Variants in USP26 observed in about 807,000 individuals in gnomAD.
The protein encoded by USP26 is ubiquitin specific peptidase 26.
For missense variants in USP26, 649 were observed against 642.3 expected (o/e 1.01, Z -0.11); for synonymous variants, 236 against 240.6 (o/e 0.98, Z 0.18).
chrX:133,060,234 A>T (rs1388490028), intron 5 of USP26, among the ~76,000 whole-genome samples: 2 of 112,116 alleles, frequency 1.8e-5, no homozygotes, highest in African/African-American at 6.5e-5. Context: ...ATAATTCCTA[A>T]TACCCTATGG....
Position 133,026,902 on chromosome X carries a change from A to G in USP26, c.1319T>C (p.Leu440Ser). 1 of 1,211,563 alleles carries G rather than the reference A, an allele frequency of 8.3e-7. No homozygotes were observed. Among genetic ancestry groups the G allele is most frequent in the Non-Finnish European group, 1.1e-6 (1 of 895,446 alleles). Residue 440 changes from leucine to serine, a missense_variant, in exon 6 of 6, where the codon TTA (leucine) becomes TCA (serine). Physicochemically the swap from Leu to Ser is moderately radical, Grantham distance 145 (BLOSUM62 -2). Coordinates refer to ENST00000511190, the MANE Select transcript of USP26 (RefSeq NM_031907.3). The part of the protein sequence containing the change: ...FSCPVITNFE[L>S]ELLHSIACKA... ...ACAAGCAATGGAGTGCAACAACTCTAACTCAAAATTAGTAATGACAGGGCA... is the reference window on the plus strand; with the variant it reads ...ACAAGCAATGGAGTGCAACAACTCTGACTCAAAATTAGTAATGACAGGGCA...
At chrX:133,044,961 G>T (rs2067433431) in intron 5 of USP26, among the ~76,000 whole-genome samples, 1 of 104,483 alleles carries the variant, frequency 9.6e-6, no homozygotes, top group African/African-American at 3.3e-5. Flanking sequence ...TCTGTATCTA[G>T]CTAATCTGGT....
At chrX:133,072,078 A>G (rs1404866968) in intron 5 of USP26, among the ~76,000 whole-genome samples, 1 of 111,949 alleles carries the variant, frequency 8.9e-6, no homozygotes, top group African/African-American at 3.2e-5. Flanking sequence ...TGGGCACCCA[A>G]TGTAATCCTT....
At chrX:133,060,879 C>G (rs1339512021) in intron 5 of USP26, among the ~76,000 whole-genome samples, 4 of 111,547 alleles carry the variant, frequency 3.6e-5, no homozygotes, top group Non-Finnish European at 7.5e-5. Flanking sequence ...CAAAAAGTTT[C>G]AAAAAGCAAA....
In USP26 at chrX:133,023,874, T is replaced by C. The variant is rs2067334572; in HGVS notation, c.*1605A>G. 1.8e-5 allele frequency among the ~76,000 whole-genome samples: 2 copies of C among 111,852 alleles called. No individual in the cohort carries two copies. Among genetic ancestry groups the C allele is most frequent in the Admixed American group, 9.5e-5 (1 of 10,523 alleles). ...AGCTCTTGGATTAATACAACTATACTGAAGCCATACCCCATATACAAGGGG... is the reference window on the plus strand; with the variant it reads ...AGCTCTTGGATTAATACAACTATACCGAAGCCATACCCCATATACAAGGGG... On this transcript the variant is annotated 3_prime_UTR_variant, in exon 6 of 6. Transcript: ENST00000511190.
intron 5 of USP26, among the ~76,000 whole-genome samples, chrX:133,036,777 TA>T (rs2067397307): frequency 8.9e-6 from 1 of 112,561 alleles, no homozygotes; most frequent in African/African-American, 3.2e-5. Flanking sequence ...ATGGTTGAAC[TA>T]GTTCACACTC....
chrX:133,056,678 C>CATT (rs1291999143), intron 5 of USP26, among the ~76,000 whole-genome samples: 1 of 112,209 alleles, frequency 8.9e-6, no homozygotes, highest in East Asian at 2.8e-4. Flanking sequence ...AGGCACTGTT[C>CATT]ATTATCAGCT....
In USP26 at chrX:133,025,984, C is replaced by A. The variant is rs1022434828; in HGVS notation, c.2237G>T (p.Arg746Ile). 1.7e-6 allele frequency: 2 copies of A among 1,209,136 alleles called. No homozygotes were observed. The highest frequency in any genetic ancestry group is 1.8e-5 in the African/African-American group (1 of 56,985). ...SEQTQQCDGMRICEQAPQQAL... is the reference protein window; with the variant it reads ...SEQTQQCDGMIICEQAPQQAL... ...CTGCTGAGGGGCTTGTTCACAGATT[C>A]TCATACCGTCACACTGCTGAGTCTG... The change falls in exon 6 of 6, where the codon AGA (arginine) becomes ATA (isoleucine). Residue 746 changes from arginine (R) to isoleucine (I), a missense_variant. Arg to Ile is a moderately conservative substitution (Grantham distance 97). Transcript: ENST00000511190.
rs750064057 is a variant in USP26, at chrX:133,027,218, G to A, written c.1003C>T (p.Leu335Phe). 1.7e-6 allele frequency: 2 copies of A among 1,209,859 alleles called. No individual in the cohort carries two copies. Among genetic ancestry groups the A allele is most frequent in the South Asian group, 1.8e-5 (1 of 56,939 alleles). ...GCCAAGCACATGGTAAGAGCATTAA[G>A]GGGAATTTTACCCCATGGGAAACTC... is the stretch of plus-strand genomic sequence containing the variant. ...NQSFPWGKIP[L>F]NALTMCLARL... The change falls in exon 6 of 6, where the codon CTT (leucine) becomes TTT (phenylalanine). Residue 335 changes from leucine (L) to phenylalanine (F), a missense_variant. By Grantham distance (22) the Leu-to-Phe change is conservative. Transcript: ENST00000511190.
chrX:133,029,844 C>T (rs1422865016), intron 5 of USP26, among the ~76,000 whole-genome samples: 2 of 111,548 alleles, frequency 1.8e-5, no homozygotes, highest in African/African-American at 3.3e-5. Flanking sequence ...ACATTTCATT[C>T]CAGATGAAAG....
chrX:133,075,271 G>A (rs2067544148), intron 5 of USP26, among the ~76,000 whole-genome samples: 1 of 112,073 alleles, frequency 8.9e-6, no homozygotes, highest in African/African-American at 3.2e-5. Flanking sequence ...CAGATAGAGT[G>A]AATTTAAGTT....
chrX:133,033,070 G>A (rs1350283898), intron 5 of USP26, among the ~76,000 whole-genome samples: 1 of 111,554 alleles, frequency 9.0e-6, no homozygotes, highest in Non-Finnish European at 1.9e-5. Context: ...ATGATCAGAT[G>A]CAGGGAGTCG....
At chrX:133,078,428 T>C (rs1198605963) in intron 5 of USP26, among the ~76,000 whole-genome samples, 1 of 112,003 alleles carries the variant, frequency 8.9e-6, no homozygotes, top group African/African-American at 3.2e-5. Context: ...ATTAGTCACT[T>C]TCTGAAGGAG....
At chrX:133,037,131 T>G (rs1297170869) in intron 5 of USP26, among the ~76,000 whole-genome samples, 1 of 112,378 alleles carries the variant, frequency 8.9e-6, no homozygotes, top group Non-Finnish European at 1.9e-5. Context: ...GGTTGCCTGT[T>G]CACTCTGAGG....
chrX:133,063,837 CCAGCTAGCAG>C (rs1217104148), intron 5 of USP26, among the ~76,000 whole-genome samples: 1 of 111,838 alleles, frequency 8.9e-6, no homozygotes, highest in African/African-American at 3.3e-5. Context: ...TGCAAAATAA[CCAGCTAGCAG>C]CATGATGACA....
At chrX:133,078,630 A>T (rs1270021974) in intron 5 of USP26, among the ~76,000 whole-genome samples, 2 of 112,394 alleles carry the variant, frequency 1.8e-5, no homozygotes, top group East Asian at 5.6e-4. Flanking sequence ...ATAAAAATCG[A>T]CAACAAGCAA....
chrX:133,027,513 T>C lies in USP26; in HGVS notation c.708A>G (p.Glu236=). 8.3e-7 allele frequency: 1 copy of C among 1,211,008 alleles called. No individual in the cohort carries two copies. The highest frequency in any genetic ancestry group is 1.1e-6 in the Non-Finnish European group (1 of 895,069). The part of the protein sequence containing the change: ...ELEENKKLEC[E]SSCIMNATGN... Reference sequence around the variant, plus strand: ...CAGTGGCGTTCATGATGCATGAAGATTCACATTCCAATTTCTTATTCTCTT... The same window carrying C: ...CAGTGGCGTTCATGATGCATGAAGACTCACATTCCAATTTCTTATTCTCTT... The change falls in exon 6 of 6, where the codon GAA becomes GAG. Residue 236 remains glutamate, a synonymous_variant. Transcript: ENST00000511190.
chrX:133,093,264 G>T (rs2067613836), intron 1 of USP26, among the ~76,000 whole-genome samples: 1 of 110,827 alleles, frequency 9.0e-6, no homozygotes, highest in South Asian at 3.8e-4. Flanking sequence ...CTCCAGCCTG[G>T]GTGACAGAGT....
At chrX:133,043,126 T>C (rs1478043980) in intron 5 of USP26, among the ~76,000 whole-genome samples, 2 of 111,440 alleles carry the variant, frequency 1.8e-5, no homozygotes, top group Admixed American at 1.9e-4. Flanking sequence ...AGTAGTCAAA[T>C]TGAAGGGGGG....
Sources: gnomAD v4.1 joint callset for allele counts (sites outside exome capture counted in the v4.1 genomes callset) on GRCh38, gnomAD v4.1.1 for gene constraint, MANE v1.5 for transcripts, NCBI Gene and HGNC (gene_info 2026-07-23, HGNC 2026-07-21) for gene names.